The following SUGCT variants were observed in gnomAD, a reference collection of about 807,000 sequenced individuals.
SUGCT encodes succinyl-CoA:glutarate CoA-transferase.
In SUGCT, 41 loss-of-function variants were observed where a neutral mutation model predicts 55.0. The observed-to-expected ratio is 0.74, with a 90% CI of 0.58 to 0.97. The LOEUF is 0.97. Among genes scored for constraint, SUGCT ranks in the 50% least tolerant of loss-of-function variants. The pLI is 0.00. For synonymous variants in SUGCT, 187 were observed against 200.4 expected, an observed-to-expected ratio of 0.93 and a Z score of 0.56; for missense variants, 568 against 547.8, an observed-to-expected ratio of 1.04 and a Z score of -0.37.
chr7:40,576,614 G>C (rs946522358), intron 12 of SUGCT, among the ~76,000 whole-genome samples: 10 of 152,162 alleles, frequency 6.6e-5, no homozygotes, highest in African/African-American at 2.4e-4. Context: ...TTGTCCATCT[G>C]GTAAACCCGA....
At chr7:40,657,431 G>A (rs956885665) in intron 12 of SUGCT, among the ~76,000 whole-genome samples, 1 of 152,110 alleles carries the variant, frequency 6.6e-6, no homozygotes, top group Non-Finnish European at 1.5e-5. Flanking sequence ...TCTGTTTTAA[G>A]TGTCTTTCAG....
chr7:40,297,486 T>C (rs1794235030), intron 8 of SUGCT, among the ~76,000 whole-genome samples: 1 of 152,176 alleles, frequency 6.6e-6, no homozygotes, highest in Admixed American at 6.6e-5. Flanking sequence ...TGAGATAACA[T>C]GAATGTTCAG....
chr7:40,537,305 C>T (rs1300267285), intron 12 of SUGCT, among the ~76,000 whole-genome samples: 2 of 152,024 alleles, frequency 1.3e-5, no homozygotes, highest in Non-Finnish European at 2.9e-5. Flanking sequence ...TCCCATCTGC[C>T]CACCGAATCT....
At chr7:40,773,736 C>T (rs151047446) in intron 13 of SUGCT, among the ~76,000 whole-genome samples, 15 of 152,146 alleles carry the variant, frequency 9.9e-5, no homozygotes, top group Non-Finnish European at 1.5e-4. Context: ...TTTGTCATTC[C>T]GTTTGAAAAT....
At chr7:40,321,060 T>G (rs1336759528) in intron 9 of SUGCT, among the ~76,000 whole-genome samples, 1 of 120,022 alleles carries the variant, frequency 8.3e-6, no homozygotes, top group Non-Finnish European at 1.9e-5. Context: ...TTTTCTTTTC[T>G]TTTTTCTTTC....
chr7:40,323,317 G>A (rs1429111022), intron 9 of SUGCT, among the ~76,000 whole-genome samples: 1 of 152,168 alleles, frequency 6.6e-6, no homozygotes, highest in Non-Finnish European at 1.5e-5. Flanking sequence ...TCATTTGGAT[G>A]TCTTGTTAAG....
chr7:40,659,504 G>C (rs1801198480), intron 12 of SUGCT, among the ~76,000 whole-genome samples: 1 of 152,158 alleles, frequency 6.6e-6, no homozygotes, highest in Non-Finnish European at 1.5e-5. Context: ...CATGTGTTTT[G>C]TGACCTCAGC....
chr7:40,500,188 G>T (rs972635267), intron 12 of SUGCT, among the ~76,000 whole-genome samples: 1 of 152,156 alleles, frequency 6.6e-6, no homozygotes, highest in Admixed American at 6.5e-5. Flanking sequence ...CCTCTGATTA[G>T]TGTTTTTCTT....
intron 12 of SUGCT, among the ~76,000 whole-genome samples, chr7:40,675,688 C>T (rs2151877808): frequency 6.6e-6 from 1 of 152,270 alleles, no homozygotes; most frequent in Non-Finnish European, 1.5e-5. Context: ...CTTTCGGCTG[C>T]AAATGCCTGG....
the SUGCT span, among the ~76,000 whole-genome samples, chr7:40,928,040 C>G: frequency 6.6e-6 from 1 of 151,956 alleles, no homozygotes; most frequent in Non-Finnish European, 1.5e-5. Flanking sequence ...AAAGTAATCT[C>G]TCTTTTCTTT....
chr7:40,375,592 A>G (rs1784502070), intron 9 of SUGCT, among the ~76,000 whole-genome samples: 1 of 152,126 alleles, frequency 6.6e-6, no homozygotes, highest in South Asian at 2.1e-4. Context: ...CTCTTTACCT[A>G]TTAGCACAAC....
At chr7:40,138,435 T>C (rs760383804) in intron 1 of SUGCT, among the ~76,000 whole-genome samples, 3 of 152,240 alleles carry the variant, frequency 2.0e-5, no homozygotes, top group Non-Finnish European at 4.4e-5. Context: ...TTTGCTTTTA[T>C]GAATAGTGCC....
chr7:40,256,766 CAG>C (rs1404379296), intron 7 of SUGCT, among the ~76,000 whole-genome samples: 1 of 152,064 alleles, frequency 6.6e-6, no homozygotes, highest in African/African-American at 2.4e-5. Flanking sequence ...TTGTCTGAGA[CAG>C]AGTCTCACTC....
At chr7:40,225,784 C>A (rs1291994994) in intron 6 of SUGCT, among the ~76,000 whole-genome samples, 1 of 152,088 alleles carries the variant, frequency 6.6e-6, no homozygotes, top group Admixed American at 6.6e-5. Context: ...TAAAATATTA[C>A]TCATAGTAAT....
At chr7:40,509,900 T>A (rs932855809) in intron 12 of SUGCT, among the ~76,000 whole-genome samples, 2 of 152,198 alleles carry the variant, frequency 1.3e-5, no homozygotes, top group African/African-American at 4.8e-5. Flanking sequence ...GAGTTATTGC[T>A]CCATTGTACC....
At chr7:40,591,823 A>G (rs1562885289) in intron 12 of SUGCT, among the ~76,000 whole-genome samples, 1 of 152,200 alleles carries the variant, frequency 6.6e-6, no homozygotes, top group African/African-American at 2.4e-5. Context: ...TTTTAAATTA[A>G]GATGTATTTT....
chr7:40,956,696 T>C, the SUGCT span, among the ~76,000 whole-genome samples: 83 of 152,288 alleles, frequency 5.5e-4, no homozygotes, highest in African/African-American at 1.4e-3. Context: ...TCTAGTTCTT[T>C]TAATTGTGAT....
intron 9 of SUGCT, among the ~76,000 whole-genome samples, chr7:40,324,240 A>ATATATAT (rs1562681019): frequency 1.9e-5 from 1 of 51,634 alleles, no homozygotes; most frequent in African/African-American, 7.0e-5. Context: ...TATATAAATA[A>ATATATAT]ATAAATAAAT....
At chr7:40,527,187 G>C (rs944830077) in intron 12 of SUGCT, among the ~76,000 whole-genome samples, 1 of 152,136 alleles carries the variant, frequency 6.6e-6, no homozygotes, top group African/African-American at 2.4e-5. Flanking sequence ...AAAAGGTTCT[G>C]TGTGATCATC....
Sources: gnomAD v4.1 joint callset for allele counts (sites outside exome capture counted in the v4.1 genomes callset) on GRCh38, gnomAD v4.1.1 for gene constraint, MANE v1.5 for transcripts, NCBI Gene and HGNC (gene_info 2026-07-23, HGNC 2026-07-21) for gene names.